Variants in VPS37D observed in about 807,000 individuals in gnomAD.
VPS37D encodes VPS37D subunit of ESCRT-I, also known as vacuolar protein sorting-associated protein 37D.
Under a neutral mutation model 22.0 loss-of-function variants are expected in VPS37D, and 5 were observed. The ratio of observed to expected loss-of-function variants is 0.23; its 90% CI spans 0.12 to 0.48. The LOEUF (loss-of-function observed/expected upper bound fraction) is 0.48, where lower values mean the gene tolerates loss of function less well. Ranked by LOEUF, VPS37D falls within the 20% of genes least tolerant of loss-of-function variation. The probability of loss-of-function intolerance (pLI) is 0.99; values close to 1 mark genes in which losing one functional copy is unlikely to be tolerated. For synonymous variants in VPS37D, 174 were observed against 159.3 expected (o/e 1.09, Z -0.69); for missense variants, 384 against 345.8 (o/e 1.11, Z -0.88).
In VPS37D at chr7:73,669,647, T is replaced by A. The variant is rs1468420059; in HGVS notation, c.310+57T>A. 4 of 1,463,652 alleles carry A rather than the reference T, an allele frequency of 2.7e-6. No individual in the cohort carries two copies. In the African/African-American group the frequency reaches 5.8e-5, roughly 21 times the overall value. 90.7% of individuals were successfully genotyped at this position (1,463,652 alleles called of 1,614,324 possible). ...CTGGTGGGGGCAGTTGGCCATCCGG[T>A]GGGTTGGCCTTGGGAAGTGCCAGGC... On this transcript the variant is annotated intron_variant, in intron 2 of 3. Coordinates refer to ENST00000324941, the MANE Select transcript of VPS37D (RefSeq NM_001077621.2).
At chr7:73,668,346 A>G (rs1472311152) in intron 1 of VPS37D, among the ~76,000 whole-genome samples, 3 of 151,730 alleles carry the variant, frequency 2.0e-5, no homozygotes, top group Admixed American at 1.3e-4. Flanking sequence ...GGCGTGTCCT[A>G]CAGCGGATGC....
Position 73,671,897 on chromosome 7 carries a change from T to A in VPS37D, c.*521T>A, listed in dbSNP as rs2116634526. 1 of 152,376 alleles carries A rather than the reference T, an allele frequency of 6.6e-6. No individual in the cohort carries two copies. The highest frequency in any genetic ancestry group is 2.4e-5 in the African/African-American group (1 of 41,568). 9.4% of individuals were successfully genotyped at this position (152,376 alleles called of 1,614,324 possible). A position where few individuals can be genotyped will look rare whatever the true frequency, so the allele number is the denominator to read the frequency against. ...ACACCATGGCCCTGGGGCTACTACG[T>A]GTCCACACATGCTCCAGACCCTGGG... On this transcript the variant is annotated 3_prime_UTR_variant, in exon 4 of 4. Coordinates refer to ENST00000324941, the MANE Select transcript of VPS37D (RefSeq NM_001077621.2).
In VPS37D at chr7:73,671,238, G is replaced by A. The variant is rs782633454; in HGVS notation, c.618G>A (p.Gly206=). 2.6e-6 allele frequency: 4 copies of A among 1,545,058 alleles called. No individual in the cohort carries two copies. The highest frequency in any genetic ancestry group is 1.8e-5 in the Admixed American group (1 of 54,802). Residue 206 remains glycine, a synonymous_variant, in exon 4 of 4, where the codon GGG becomes GGA. Coordinates refer to ENST00000324941, the MANE Select transcript of VPS37D (RefSeq NM_001077621.2). ...AAVLPTGAAR[G]PPAVPRSLPP... ...TCCTGCCCACTGGGGCCGCCCGGGG[G>A]CCACCAGCAGTGCCCCGGAGCCTGC...
At chr7:73,666,679 A>T (rs1797379702), upstream of VPS37D, among the ~76,000 whole-genome samples, 1 of 152,074 alleles carries the variant, frequency 6.6e-6, no homozygotes, top group Non-Finnish European at 1.5e-5. Flanking sequence ...GATTACAGGC[A>T]TGGGCTACCG....
rs1439672210 is a variant in VPS37D, at chr7:73,670,887, G to T, written c.394-127G>T. On this transcript the variant is annotated intron_variant, in intron 3 of 3. Coordinates refer to ENST00000324941, the MANE Select transcript of VPS37D (RefSeq NM_001077621.2). Reference sequence around the variant, plus strand: ...ATCGGAGGCAGGCCCAGGCTGGAACGCAGGTCCCCTGTCCCCCAGCTGAGG... The same window carrying T: ...ATCGGAGGCAGGCCCAGGCTGGAACTCAGGTCCCCTGTCCCCCAGCTGAGG... 3.0e-6 allele frequency: 4 copies of T among 1,345,598 alleles called. No individual in the cohort carries two copies. The African/African-American group carries it at 4.5e-5, about 15-fold the overall frequency. The allele number at this position is 1,345,598 out of a possible 1,614,324, so 83.4% of individuals were successfully genotyped here. A position where few individuals can be genotyped will look rare whatever the true frequency, so the allele number is the denominator to read the frequency against.
Position 73,671,896 on chromosome 7 carries a change from G to A in VPS37D, c.*520G>A, listed in dbSNP as rs1424386886. On this transcript the variant is annotated 3_prime_UTR_variant, in exon 4 of 4. Coordinates refer to ENST00000324941, the MANE Select transcript of VPS37D (RefSeq NM_001077621.2). ...GACACCATGGCCCTGGGGCTACTAC[G>A]TGTCCACACATGCTCCAGACCCTGG... is the stretch of plus-strand genomic sequence containing the variant. 2.6e-5 allele frequency: 4 copies of A among 152,258 alleles called. No homozygotes were observed. The highest frequency in any genetic ancestry group is 9.7e-5 in the African/African-American group (4 of 41,450). The allele number at this position is 152,258 out of a possible 1,614,324, so 9.4% of individuals were successfully genotyped here. A position where few individuals can be genotyped will look rare whatever the true frequency, so the allele number is the denominator to read the frequency against.
At chr7:73,670,875 C>A in intron 3 of VPS37D, 139 bp from the exon 4 acceptor site, 1 of 1,265,010 alleles carries the variant, frequency 7.9e-7, no homozygotes, top group East Asian at 2.6e-5. Flanking sequence ...GGAGGCAGGC[C>A]CAGGCTGGAA....
At chr7:73,669,126 A>T (rs1554609181) in intron 1 of VPS37D, among the ~76,000 whole-genome samples, 1 of 152,204 alleles carries the variant, frequency 6.6e-6, no homozygotes, top group East Asian at 1.9e-4. Flanking sequence ...ACATTTGTAG[A>T]GGCCTTTATA....
At chr7:73,665,879 C>T (rs1182661557), upstream of VPS37D, among the ~76,000 whole-genome samples, 2 of 152,160 alleles carry the variant, frequency 1.3e-5, no homozygotes, top group South Asian at 2.1e-4. Flanking sequence ...GAGACGGGGT[C>T]TTGCTCCATT....
In VPS37D at chr7:73,671,668, T is replaced by C. The variant is rs1419674061; in HGVS notation, c.*292T>C. 2.9e-5 allele frequency: 5 copies of C among 172,402 alleles called. No individual in the cohort carries two copies. The highest frequency in any genetic ancestry group is 6.1e-5 in the Non-Finnish European group (5 of 81,968). The allele number at this position is 172,402 out of a possible 1,614,324, so 10.7% of individuals were successfully genotyped here. ...GACCAGCCCCGTTAAAGAACTTGAC[T>C]CAACTACAGGGGCCTGGGAAGATGC... On this transcript the variant is annotated 3_prime_UTR_variant, in exon 4 of 4. Coordinates refer to ENST00000324941, the MANE Select transcript of VPS37D (RefSeq NM_001077621.2).
At chr7:73,667,641 C>G (rs1797405237), upstream of VPS37D, among the ~76,000 whole-genome samples, 1 of 152,014 alleles carries the variant, frequency 6.6e-6, no homozygotes, top group Non-Finnish European at 1.5e-5. Context: ...AGGGCCGGTG[C>G]TGGGGCGCAG....
upstream of VPS37D, among the ~76,000 whole-genome samples, chr7:73,665,604 G>A (rs900909043): frequency 1.3e-5 from 2 of 152,174 alleles, no homozygotes; most frequent in Non-Finnish European, 2.9e-5. Flanking sequence ...CTGTCCTGCC[G>A]CTTCTCCCAG....
intron 2 of VPS37D, 127 bp downstream of exon 2, chr7:73,669,717 C>A: frequency 1.3e-6 from 1 of 765,322 alleles, no homozygotes; most frequent in Non-Finnish European, 1.8e-6. Flanking sequence ...GCTTGCTGGG[C>A]AGTAGAGTTG....
In VPS37D at chr7:73,671,124, G is replaced by A. The variant is rs782056549; in HGVS notation, c.504G>A (p.Leu168=). 3.1e-6 allele frequency: 5 copies of A among 1,608,534 alleles called. No individual in the cohort carries two copies. The East Asian group carries it at 8.9e-5, about 29-fold the overall frequency. ...AHLRRTQAEK[L]QELLRRRERS... ...TGAGGCGGACGCAGGCAGAGAAGCT[G>A]CAGGAGCTGCTGCGGCGTCGGGAGC... The change falls in exon 4 of 4, where the codon CTG becomes CTA. Residue 168 remains leucine, a synonymous_variant. Coordinates refer to ENST00000324941, the MANE Select transcript of VPS37D (RefSeq NM_001077621.2).
Position 73,671,459 on chromosome 7 carries a change from G to T in VPS37D, c.*83G>T. ...CCTCCTCCCCCACTGCCTGGGTGGG[G>T]GGAGGGGCAGGCCCCTCCCCCTGGC... On this transcript the variant is annotated 3_prime_UTR_variant, in exon 4 of 4. Coordinates refer to ENST00000324941, the MANE Select transcript of VPS37D (RefSeq NM_001077621.2). The T allele has an allele frequency of 1.6e-6, 1 of 628,246 alleles. No homozygotes were observed. The highest frequency in any genetic ancestry group is 3.3e-5 in the South Asian group (1 of 30,504). 38.9% of individuals were successfully genotyped at this position (628,246 alleles called of 1,614,324 possible).
At chr7:73,670,710 T>C (rs1486878020) in intron 3 of VPS37D, among the ~76,000 whole-genome samples, 2 of 151,484 alleles carry the variant, frequency 1.3e-5, no homozygotes, top group Non-Finnish European at 2.9e-5. Context: ...CTTGGGAGGC[T>C]GAGGCAGGAG....
rs782556514 is a variant in VPS37D, at chr7:73,669,466, C to T, written c.186C>T (p.Tyr62=). 159 of 1,580,054 alleles carry T rather than the reference C, an allele frequency of 1.0e-4. No homozygotes were observed. The East Asian group carries it at 2.6e-3, about 26-fold the overall frequency. The part of the protein sequence containing the change: ...LEREACLASN[Y]ALAKENLALR... ...GTGAGGCCTGCCTGGCCTCCAACTA[C>T]GCGCTGGCCAAGGAGAACCTGGCCC... The change falls in exon 2 of 4, where the codon TAC becomes TAT. Residue 62 remains tyrosine, a synonymous_variant. Coordinates refer to ENST00000324941, the MANE Select transcript of VPS37D (RefSeq NM_001077621.2).
At chr7:73,667,364 C>G (rs113562761), upstream of VPS37D, among the ~76,000 whole-genome samples, 4,281 of 152,120 alleles carry the variant, frequency 0.028, 88 homozygotes, top group Middle Eastern at 0.061. Context: ...CTCCTGGCCT[C>G]AAGCGATCCT....
chr7:73,670,864 C>T (rs928326132), intron 3 of VPS37D, 150 bp from the exon 4 acceptor site: 11 of 1,129,346 alleles, frequency 9.7e-6, no homozygotes, highest in East Asian at 5.4e-5. Context: ...AGCAAGTAAT[C>T]GGAGGCAGGC....
Sources: allele counts gnomAD v4.1 joint callset (sites outside exome capture counted in the v4.1 genomes callset), GRCh38; gene constraint gnomAD v4.1.1; transcripts MANE v1.5; gene names NCBI Gene and HGNC (gene_info 2026-07-23, HGNC 2026-07-21).